Variants in CAST observed in about 807,000 individuals in gnomAD.
CAST encodes the protein calpastatin.
Under a neutral mutation model 119.6 loss-of-function variants are expected in CAST, and 76 were observed. The ratio of observed to expected loss-of-function variants is 0.64; its 90% CI spans 0.53 to 0.77. The LOEUF is 0.77. Ranked by LOEUF, CAST falls within the 30% of genes least tolerant of loss-of-function variation. The probability of loss-of-function intolerance (pLI) is 0.00; values close to 1 mark genes in which losing one functional copy is unlikely to be tolerated. For synonymous variants in CAST, 319 were observed against 331.6 expected (o/e 0.96, Z 0.41); for missense variants, 953 against 946.5 (o/e 1.01, Z -0.09).
intron 1 of CAST, among the ~76,000 whole-genome samples, chr5:96,653,336 A>C (rs2150205362): frequency 6.6e-6 from 1 of 152,360 alleles, no homozygotes; most frequent in Middle Eastern, 3.4e-3. Flanking sequence ...TAATAAATAA[A>C]TGCTGTCTCA....
At chr5:96,660,954 G>GA (rs1748347392), upstream of CAST, among the ~76,000 whole-genome samples, 1 of 151,396 alleles carries the variant, frequency 6.6e-6, no homozygotes, top group Admixed American at 6.6e-5. Context: ...ACTTTAAGAG[G>GA]AAATGCATTT....
the CAST span, among the ~76,000 whole-genome samples, chr5:96,382,915 T>C: frequency 6.6e-6 from 1 of 152,228 alleles, no homozygotes; most frequent in African/African-American, 2.4e-5. Flanking sequence ...CAATTTCTAA[T>C]TTCCAAAGCA....
the CAST span, among the ~76,000 whole-genome samples, chr5:96,506,304 T>C: frequency 6.6e-6 from 1 of 150,796 alleles, no homozygotes; most frequent in Non-Finnish European, 1.5e-5. Flanking sequence ...TAATATTTAT[T>C]GAGCACCTAC....
the CAST span, among the ~76,000 whole-genome samples, chr5:96,456,260 A>G: frequency 1.3e-5 from 2 of 152,202 alleles, no homozygotes; most frequent in African/African-American, 4.8e-5. Context: ...AATTCTGCTT[A>G]TTTTTAATGC....
the CAST span, among the ~76,000 whole-genome samples, chr5:96,375,779 C>G: frequency 6.6e-6 from 1 of 151,636 alleles, no homozygotes; most frequent in African/African-American, 2.4e-5. Context: ...AATTCTGCCT[C>G]AAGACAGTCT....
At chr5:96,300,186 A>G in the CAST span, among the ~76,000 whole-genome samples, 8 of 152,192 alleles carry the variant, frequency 5.3e-5, no homozygotes, top group East Asian at 1.5e-3. Context: ...TCACAGACCA[A>G]TGTTGTATAG....
the CAST span, among the ~76,000 whole-genome samples, chr5:96,045,918 A>G: frequency 6.6e-6 from 1 of 152,224 alleles, no homozygotes; most frequent in Non-Finnish European, 1.5e-5. Flanking sequence ...GGAGACAGAA[A>G]GTGACAAGGG....
chr5:96,328,950 CCTAA>C, the CAST span, among the ~76,000 whole-genome samples: 3 of 152,194 alleles, frequency 2.0e-5, no homozygotes, highest in East Asian at 3.8e-4. Context: ...TGAAGAATGT[CCTAA>C]CTGTGTTTTA....
At chr5:96,504,457 T>C in the CAST span, among the ~76,000 whole-genome samples, 2 of 152,194 alleles carry the variant, frequency 1.3e-5, no homozygotes, top group African/African-American at 2.4e-5. Context: ...GAGCAAATAT[T>C]AATTTCCTCA....
the CAST span, among the ~76,000 whole-genome samples, chr5:96,105,235 C>T: frequency 6.6e-6 from 1 of 152,062 alleles, no homozygotes; most frequent in Non-Finnish European, 1.5e-5. Flanking sequence ...ATTTCCTTCT[C>T]CTGCCTGATT....
the CAST span, among the ~76,000 whole-genome samples, chr5:96,153,468 T>C: frequency 2.6e-5 from 4 of 152,164 alleles, no homozygotes; most frequent in African/African-American, 9.7e-5. Flanking sequence ...AGGATGGAGC[T>C]TGACGAGAGG....
the CAST span, among the ~76,000 whole-genome samples, chr5:96,460,541 A>C: frequency 1.4e-5 from 2 of 147,888 alleles, no homozygotes; most frequent in African/African-American, 5.0e-5. Context: ...ACTTAAAGTA[A>C]AATAAATAAA....
intron 2 of CAST, among the ~76,000 whole-genome samples, chr5:96,677,015 C>G (rs1286117965): frequency 6.6e-6 from 1 of 150,722 alleles, no homozygotes; most frequent in African/African-American, 2.4e-5. Context: ...GATCACGCCA[C>G]TGCACTCCAG....
chr5:96,618,729 G>A (rs1237612001), intron 1 of CAST, among the ~76,000 whole-genome samples: 2 of 152,178 alleles, frequency 1.3e-5, no homozygotes, highest in Non-Finnish European at 2.9e-5. Flanking sequence ...CATTCTTGCC[G>A]GGCCTCAGCT....
the CAST span, among the ~76,000 whole-genome samples, chr5:95,998,285 G>A: frequency 0.014 from 2,180 of 151,748 alleles, 55 homozygotes; most frequent in African/African-American, 0.05. Flanking sequence ...TATATTTAGG[G>A]GATACAAGTG....
the CAST span, among the ~76,000 whole-genome samples, chr5:96,483,121 CT>C: frequency 1.3e-5 from 2 of 152,042 alleles, no homozygotes; most frequent in Non-Finnish European, 2.9e-5. Flanking sequence ...AAAAACAACA[CT>C]AAAGAAAATA....
the CAST span, among the ~76,000 whole-genome samples, chr5:96,045,401 C>A: frequency 6.6e-6 from 1 of 151,140 alleles, no homozygotes; most frequent in Non-Finnish European, 1.5e-5. Flanking sequence ...TAGAGCTGTA[C>A]AATTTTGACT....
intron 20 of CAST, among the ~76,000 whole-genome samples, chr5:96,751,089 G>A (rs2150578274): frequency 6.6e-6 from 1 of 152,218 alleles, no homozygotes; most frequent in East Asian, 1.9e-4. Context: ...CACTGCAGGA[G>A]GTGAAACTGA....
chr5:96,408,317 C>A, the CAST span: 1 of 1,613,202 alleles, frequency 6.2e-7, no homozygotes, highest in Non-Finnish European at 8.5e-7. Context: ...TGCAGGTCAG[C>A]GCTCGTCTGG....
Sources: gnomAD v4.1 joint callset for allele counts (sites outside exome capture counted in the v4.1 genomes callset) on GRCh38, gnomAD v4.1.1 for gene constraint, MANE v1.5 for transcripts, NCBI Gene and HGNC (gene_info 2026-07-23, HGNC 2026-07-21) for gene names.